Variants in MAGI1 observed in about 807,000 individuals in gnomAD.
MAGI1 encodes membrane-associated guanylate kinase, WW and PDZ domain-containing protein 1.
Under a neutral mutation model 139.9 loss-of-function variants are expected in MAGI1, and 58 were observed. The ratio of observed to expected loss-of-function variants is 0.41; its 90% CI spans 0.34 to 0.52. The LOEUF (loss-of-function observed/expected upper bound fraction) is 0.52. MAGI1 is among the 20% of genes least tolerant of loss of function. The pLI, the probability that MAGI1 is intolerant of heterozygous loss-of-function variation, is 0.12. For synonymous variants in MAGI1, 812 were observed against 737.9 expected (o/e 1.10, Z -1.63); for missense variants, 1,874 against 1,901.6 (o/e 0.99, Z 0.27).
At chr3:65,842,079 A>C (rs2058826460) in intron 1 of MAGI1, among the ~76,000 whole-genome samples, 1 of 152,162 alleles carries the variant, frequency 6.6e-6, no homozygotes, top group Admixed American at 6.5e-5. Context: ...GACCTCCACT[A>C]TATGAAGAGT....
At chr3:65,531,586 C>T (rs76220326) in intron 2 of MAGI1, among the ~76,000 whole-genome samples, 1 of 152,142 alleles carries the variant, frequency 6.6e-6, no homozygotes, top group South Asian at 2.1e-4. Flanking sequence ...TCTCTGGCTC[C>T]AATTCCCTAT....
chr3:65,475,483 G>A (rs1256322271), intron 4 of MAGI1, among the ~76,000 whole-genome samples: 3 of 152,022 alleles, frequency 2.0e-5, no homozygotes, highest in Non-Finnish European at 2.9e-5. Flanking sequence ...CAAAGTGCTG[G>A]GATTACAGGC....
intron 1 of MAGI1, among the ~76,000 whole-genome samples, chr3:65,651,179 C>G (rs1392747630): frequency 6.6e-6 from 1 of 152,096 alleles, no homozygotes; most frequent in Non-Finnish European, 1.5e-5. Context: ...CTTCTAGGAT[C>G]ACGCGTCACA....
intron 1 of MAGI1, among the ~76,000 whole-genome samples, chr3:65,899,352 G>A (rs1322462761): frequency 6.6e-6 from 1 of 152,182 alleles, no homozygotes; most frequent in South Asian, 2.1e-4. Context: ...TAACTACTCA[G>A]GTCCATTTTC....
intron 2 of MAGI1, among the ~76,000 whole-genome samples, chr3:65,570,170 T>C (rs2080889683): frequency 6.6e-6 from 1 of 151,184 alleles, no homozygotes; most frequent in South Asian, 2.1e-4. Context: ...TGGTGCGATC[T>C]TGGCTTACTG....
intron 1 of MAGI1, among the ~76,000 whole-genome samples, chr3:65,656,268 C>A (rs2085870503): frequency 6.6e-6 from 1 of 152,118 alleles, no homozygotes; most frequent in South Asian, 2.1e-4. Context: ...CATCTCAAAG[C>A]CCCTTTGCCT....
chr3:65,520,488 TG>T (rs138700445), intron 2 of MAGI1, among the ~76,000 whole-genome samples: 1,966 of 152,260 alleles, frequency 0.013, 47 homozygotes, highest in African/African-American at 0.045. Context: ...GGAAGAGTAA[TG>T]GGGCCTAGTT....
intron 1 of MAGI1, among the ~76,000 whole-genome samples, chr3:65,984,875 A>G (rs537019527): frequency 6.6e-6 from 1 of 152,092 alleles, no homozygotes; most frequent in African/African-American, 2.4e-5. Context: ...TCTCAGATTA[A>G]TTTTGTACCA....
At chr3:65,386,935 T>C (rs1469219469) in intron 14 of MAGI1, among the ~76,000 whole-genome samples, 2 of 152,168 alleles carry the variant, frequency 1.3e-5, no homozygotes, top group African/African-American at 2.4e-5. Flanking sequence ...CTAACACATT[T>C]CCAGACTTGA....
intron 1 of MAGI1, among the ~76,000 whole-genome samples, chr3:65,749,722 A>C (rs968752208): frequency 4.6e-5 from 7 of 151,878 alleles, no homozygotes; most frequent in African/African-American, 7.3e-5. Flanking sequence ...AAAAAAAAAA[A>C]AAAAAACTGC....
intron 1 of MAGI1, among the ~76,000 whole-genome samples, chr3:65,651,173 T>C (rs762398605): frequency 6.6e-6 from 1 of 152,180 alleles, no homozygotes; most frequent in Non-Finnish European, 1.5e-5. Context: ...ACTGCTCTTC[T>C]AGGATCACGC....
intron 1 of MAGI1, among the ~76,000 whole-genome samples, chr3:65,929,290 T>C (rs948533739): frequency 1.3e-5 from 2 of 152,132 alleles, no homozygotes; most frequent in Non-Finnish European, 2.9e-5. Context: ...ATTTCATATG[T>C]AGGCTTTCTA....
intron 1 of MAGI1, among the ~76,000 whole-genome samples, chr3:65,769,458 C>T (rs2037768583): frequency 6.6e-6 from 1 of 151,892 alleles, no homozygotes; most frequent in African/African-American, 2.4e-5. Context: ...CACTGCACTC[C>T]AGTCTGGGCA....
intron 22 of MAGI1, among the ~76,000 whole-genome samples, chr3:65,358,044 A>G (rs917026004): frequency 3.3e-5 from 5 of 152,126 alleles, no homozygotes; most frequent in Non-Finnish European, 7.4e-5. Flanking sequence ...TTTTTTCTTT[A>G]TGACATGGGA....
chr3:65,693,140 T>G (rs1305959797), intron 1 of MAGI1, among the ~76,000 whole-genome samples: 3 of 152,152 alleles, frequency 2.0e-5, no homozygotes, highest in South Asian at 2.1e-4. Flanking sequence ...AGATGGGGTC[T>G]CCCTGTGTTG....
At chr3:65,370,131 A>G (rs761172566) in intron 18 of MAGI1, among the ~76,000 whole-genome samples, 1 of 152,034 alleles carries the variant, frequency 6.6e-6, no homozygotes, top group Non-Finnish European at 1.5e-5. Context: ...CCCTGCTTCA[A>G]CTCTAATTTC....
chr3:65,785,226 G>C (rs2108033193), intron 1 of MAGI1, among the ~76,000 whole-genome samples: 1 of 152,238 alleles, frequency 6.6e-6, no homozygotes, highest in South Asian at 2.1e-4. Flanking sequence ...GTTTTAAGAA[G>C]TATTTGTAGG....
At chr3:65,600,201 G>A (rs1041579857) in intron 2 of MAGI1, among the ~76,000 whole-genome samples, 8 of 152,122 alleles carry the variant, frequency 5.3e-5, no homozygotes, top group Non-Finnish European at 1.0e-4. Flanking sequence ...CTTTTGCAAG[G>A]AATCTGCATA....
intron 22 of MAGI1, chr3:65,360,995 C>T: frequency 1.4e-6 from 2 of 1,455,946 alleles, no homozygotes; most frequent in South Asian, 1.5e-5. Flanking sequence ...TTGTCTTAGG[C>T]CATGCCCCAG....
Sources: allele counts gnomAD v4.1 joint callset (sites outside exome capture counted in the v4.1 genomes callset), GRCh38; gene constraint gnomAD v4.1.1; transcripts MANE v1.5; gene names NCBI Gene and HGNC (gene_info 2026-07-23, HGNC 2026-07-21).